TPRG1: variants seen among roughly 807,000 people sequenced by gnomAD.
The protein encoded by TPRG1 is tumor protein p63 regulated 1.
TPRG1 carries 29 observed loss-of-function variants against 29.3 expected under a neutral mutation model. The observed-to-expected ratio is 0.99, with a 90% CI of 0.74 to 1.35. TPRG1 has a LOEUF of 1.35. TPRG1 is among the 40% of genes most tolerant of loss of function. TPRG1 has a pLI of 0.00. For synonymous variants in TPRG1, 130 were observed against 116.8 expected, an observed-to-expected ratio of 1.11 and a Z score of -0.73; for missense variants, 327 against 335.0, an observed-to-expected ratio of 0.98 and a Z score of 0.19.
chr3:189,238,991 C>A, intron 4 of TPRG1, 82 bp downstream of exon 4: 1 of 1,320,192 alleles, frequency 7.6e-7, no homozygotes, highest in Non-Finnish European at 1.0e-6. Flanking sequence ...TCAGTTTGGC[C>A]CTGTAAACTG....
intron 3 of TPRG1, among the ~76,000 whole-genome samples, chr3:189,219,113 G>C (rs1736535942): frequency 6.6e-6 from 1 of 152,166 alleles, no homozygotes; most frequent in African/African-American, 2.4e-5. Flanking sequence ...TCAGATTTTA[G>C]AAGAATAAAA....
At position 189,057,818 on chromosome 3, in the gene TPRG1, G is replaced by GTA. The variant is rs569838324; in HGVS notation, c.-463+33881_-463+33882dup. The stretch of plus-strand genomic sequence containing the variant: ...TGGGTATGTATGTATATATATGTGT[G>GTA]TATATATATACACACATATGTATGT... On this transcript the variant is annotated intron_variant, in intron 4 of 10. Coordinates refer to the TPRG1 transcript ENST00000433971. Among the ~76,000 whole-genome samples, 51 of 134,730 alleles carry GTA rather than the reference G, an allele frequency of 3.8e-4. No individual in the cohort carries two copies. In the East Asian group the frequency reaches 4.2e-3, roughly 11 times the overall value. 88.4% of individuals were successfully genotyped at this position (134,730 alleles called of 152,430 possible). A position where few individuals can be genotyped will look rare whatever the true frequency, so the allele number is the denominator to read the frequency against.
At chr3:188,998,867 T>C (rs753175511) in intron 1 of TPRG1, among the ~76,000 whole-genome samples, 3 of 152,098 alleles carry the variant, frequency 2.0e-5, no homozygotes, top group South Asian at 2.1e-4. Flanking sequence ...TAAAATGTAA[T>C]TGGACTGAAG....
chr3:189,299,126 A>G lies in TPRG1; in HGVS notation c.480-11260A>G, dbSNP rs982090378. ...TGTGCATGCTGAAACTTGTTTTTTT[A>G]GGGTGCTCAAAAGTACTTCCTTTTA... On this transcript the variant is annotated intron_variant, in intron 4 of 5. Transcript: ENST00000345063. Among the ~76,000 whole-genome samples, 4 of 143,372 alleles carry G rather than the reference A, an allele frequency of 2.8e-5. No homozygotes were observed. The Admixed American group carries it at 2.9e-4, about 10-fold the overall frequency. The allele number at this position is 143,372 out of a possible 152,430, so 94.1% of individuals were successfully genotyped here. A position where few individuals can be genotyped will look rare whatever the true frequency, so the allele number is the denominator to read the frequency against.
chr3:189,264,191 T>C (rs562175688), intron 4 of TPRG1, among the ~76,000 whole-genome samples: 1 of 152,294 alleles, frequency 6.6e-6, no homozygotes, highest in East Asian at 1.9e-4. Context: ...TGGGTTAAAT[T>C]TGATGCCCTT....
At chr3:189,061,929 T>C (rs1380285391) in intron 4 of TPRG1, among the ~76,000 whole-genome samples, 2 of 152,160 alleles carry the variant, frequency 1.3e-5, no homozygotes, top group Non-Finnish European at 2.9e-5. Context: ...AGTAATCCCA[T>C]TACTGGGTAT....
chr3:189,148,359 A>G (rs924870688), intron 4 of TPRG1, among the ~76,000 whole-genome samples: 3 of 152,236 alleles, frequency 2.0e-5, no homozygotes, highest in African/African-American at 4.8e-5. Context: ...AGAAACGGAC[A>G]TGCCCAACAC....
chr3:189,039,389 C>A (rs1018108864), intron 4 of TPRG1, among the ~76,000 whole-genome samples: 1 of 152,044 alleles, frequency 6.6e-6, no homozygotes, highest in African/African-American at 2.4e-5. Flanking sequence ...TTGTGAAATT[C>A]TCTGGGAAGT....
At chr3:189,306,498 T>C (rs942172350) in intron 4 of TPRG1, among the ~76,000 whole-genome samples, 2 of 152,178 alleles carry the variant, frequency 1.3e-5, no homozygotes, top group Non-Finnish European at 2.9e-5. Flanking sequence ...GTGCTAGAGA[T>C]TTGCTTCTCT....
At chr3:189,181,541 A>C (rs1239121940) in intron 1 of TPRG1, among the ~76,000 whole-genome samples, 1 of 152,210 alleles carries the variant, frequency 6.6e-6, no homozygotes, top group East Asian at 1.9e-4. Flanking sequence ...TTGCTAAAAC[A>C]TAACAACAGT....
chr3:189,044,891 T>G (rs1364402166), intron 4 of TPRG1, among the ~76,000 whole-genome samples: 2 of 152,190 alleles, frequency 1.3e-5, no homozygotes, highest in Non-Finnish European at 2.9e-5. Context: ...AAGAGTATAG[T>G]ATGAAAGGGC....
intron 1 of TPRG1, among the ~76,000 whole-genome samples, chr3:189,113,269 A>G (rs1282588443): frequency 6.6e-6 from 1 of 152,102 alleles, no homozygotes; most frequent in African/African-American, 2.4e-5. Context: ...GCTTAAGGAG[A>G]TTTTGGGCTG....
At chr3:189,039,730 G>A (rs1468326396) in intron 4 of TPRG1, among the ~76,000 whole-genome samples, 1 of 152,116 alleles carries the variant, frequency 6.6e-6, no homozygotes, top group Non-Finnish European at 1.5e-5. Flanking sequence ...GAGAGAGAAT[G>A]TACACTTGTT....
At chr3:189,087,600 G>A (rs1010518121) in intron 4 of TPRG1, among the ~76,000 whole-genome samples, 7 of 152,192 alleles carry the variant, frequency 4.6e-5, no homozygotes, top group Admixed American at 4.6e-4. Flanking sequence ...GTCCTGAATG[G>A]TATTGCCTAG....
chr3:189,284,474 C>T (rs1308435844), intron 4 of TPRG1, among the ~76,000 whole-genome samples: 2 of 151,300 alleles, frequency 1.3e-5, no homozygotes, highest in Non-Finnish European at 2.9e-5. Flanking sequence ...TTGTCCTTGC[C>T]ATAGTTTGCT....
intron 2 of TPRG1, among the ~76,000 whole-genome samples, chr3:189,208,046 C>T (rs564780487): frequency 1.1e-4 from 17 of 152,266 alleles, no homozygotes; most frequent in Non-Finnish European, 2.2e-4. Context: ...CATATTACAA[C>T]GAGGGAGCAG....
chr3:189,320,497 G>GTT, intron 5 of TPRG1, 129 bp from the exon 6 acceptor site: 2 of 660,804 alleles, frequency 3.0e-6, no homozygotes. Flanking sequence ...AACCATTTAT[G>GTT]TTTAAGAAGT....
intron 4 of TPRG1, among the ~76,000 whole-genome samples, chr3:189,149,987 C>A (rs982426367): frequency 6.6e-6 from 1 of 152,182 alleles, no homozygotes; most frequent in Non-Finnish European, 1.5e-5. Flanking sequence ...TTGTTATTTT[C>A]CTGAGGGCAC....
At chr3:189,294,558 T>G (rs1719560555) in intron 4 of TPRG1, among the ~76,000 whole-genome samples, 1 of 152,168 alleles carries the variant, frequency 6.6e-6, no homozygotes, top group African/African-American at 2.4e-5. Flanking sequence ...CCAGCTCCAC[T>G]GTGTCCCCTT....
Sources: allele counts gnomAD v4.1 joint callset (sites outside exome capture counted in the v4.1 genomes callset), GRCh38; gene constraint gnomAD v4.1.1; transcripts MANE v1.5; gene names NCBI Gene and HGNC (gene_info 2026-07-23, HGNC 2026-07-21).